Variants in NEB observed in about 807,000 individuals in gnomAD.
NEB encodes the protein nemaline myopathy type 2.
Under a neutral mutation model 952.2 loss-of-function variants are expected in NEB, and 512 were observed. The observed-to-expected ratio is 0.54, with a 90% CI of 0.50 to 0.58. The LOEUF is 0.58. NEB is among the 20% of genes least tolerant of loss of function. The pLI, the probability that NEB is intolerant of heterozygous loss-of-function variation, is 0.00. For synonymous variants in NEB, 2,900 were observed against 3,149.8 expected (o/e 0.92, Z 2.66); for missense variants, 8,428 against 9,231.1 (o/e 0.91, Z 3.56).
Position 151,724,916 on chromosome 2 carries a change from C to A in NEB, c.448G>T (p.Val150Leu), listed in dbSNP as rs376288418. 1.9e-6 allele frequency: 3 copies of A among 1,613,742 alleles called. No individual in the cohort carries two copies. The highest frequency in any genetic ancestry group is 2.5e-6 in the Non-Finnish European group (3 of 1,179,854). The change falls in exon 7 of 182, where the codon GTA (valine) becomes TTA (leucine). Residue 150 changes from valine to leucine, a missense_variant. Physicochemically the swap from Val to Leu is conservative, Grantham distance 32. Coordinates refer to ENST00000397345, the MANE Select transcript of NEB (RefSeq NM_001164508.2). ...TCAATATCCTTTGCTTTTTCATCTA[C>A]GTGACATATAGTCTTAGCAACATCA... ...DGDVAKTICHVDEKAKDIEHA... is the reference protein window; with the variant it reads ...DGDVAKTICHLDEKAKDIEHA...
Position 151,491,589 on chromosome 2 carries a change from G to A in NEB, c.25150+94C>T, listed in dbSNP as rs2056687818. 2.0e-5 allele frequency: 21 copies of A among 1,056,540 alleles called. No homozygotes were observed. The South Asian group carries it at 2.3e-4, about 12-fold the overall frequency. 65.4% of individuals were successfully genotyped at this position (1,056,540 alleles called of 1,614,324 possible). ...GGCAGCTCAGAAAATGGAAAACTCT[G>A]GAGGGAAGGAACTTCAGAGCCCAAA... is the stretch of plus-strand genomic sequence containing the variant. On this transcript the variant is annotated intron_variant, in intron 179 of 181. Coordinates refer to ENST00000397345, the MANE Select transcript of NEB (RefSeq NM_001164508.2).
At chr2:151,493,581 T>C in intron 175 of NEB, 136 bp from the exon 176 acceptor site, 1 of 742,148 alleles carries the variant, frequency 1.3e-6, no homozygotes, top group Non-Finnish European at 2.1e-6. Context: ...AATGTTACGG[T>C]AGGAAGCAAA....
Position 151,610,021 on chromosome 2 carries a change from T to C in NEB, c.12118A>G (p.Lys4040Glu), listed in dbSNP as rs759051377. The change falls in exon 81 of 182, where the codon AAA (lysine) becomes GAA (glutamate). Residue 4040 changes from lysine to glutamate, a missense_variant. Around this residue, in one of 11 missense-constraint regions of NEB, gnomAD observed 337 missense variants for 297.5 expected, o/e 1.13. Transcript: ENST00000397345. Reference sequence around the variant, plus strand: ...TTGTACTCCCTTTCACTTTGAATTTTTCCTGCATGTATGGCACACATAATC... The same window carrying C: ...TTGTACTCCCTTTCACTTTGAATTTCTCCTGCATGTATGGCACACATAATC... Reference protein sequence around the residue: ...PKIMCAIHAGKIQSEREYKKE... With the variant: ...PKIMCAIHAGEIQSEREYKKE... 6 of 1,613,956 alleles carry C rather than the reference T, an allele frequency of 3.7e-6. No homozygotes were observed. The highest frequency in any genetic ancestry group is 5.1e-6 in the Non-Finnish European group (6 of 1,179,850).
chr2:151,674,404 A>T, intron 36 of NEB, 73 bp downstream of exon 36: 1 of 1,104,598 alleles, frequency 9.1e-7, no homozygotes, highest in Non-Finnish European at 1.4e-6. Context: ...TCAATAAGGT[A>T]TCAATTTAAA....
chr2:151,562,577 G>A, intron 120 of NEB, 34 bp downstream of exon 120: 4 of 1,524,396 alleles, frequency 2.6e-6, no homozygotes, highest in Non-Finnish European at 3.5e-6. Context: ...CATGGAAGCT[G>A]TAGCTGAGTC....
In NEB at chr2:151,491,716, T is replaced by C. The variant is rs1416760785; in HGVS notation, c.25117A>G (p.Asn8373Asp). 7 of 1,598,292 alleles carry C rather than the reference T, an allele frequency of 4.4e-6. No individual in the cohort carries two copies. In the Admixed American group the frequency reaches 1.0e-4, roughly 24 times the overall value. Residue 8373 changes from asparagine (N) to aspartate (D), a missense_variant, in exon 179 of 182, where the codon AAC (asparagine) becomes GAC (aspartate). This residue lies in a region of NEB where 3,374 missense variants were observed against 3,651.5 expected (regional missense o/e 0.92). Transcript: ENST00000397345. The stretch of plus-strand genomic sequence containing the variant: ...ATGTGTAAGCTTCGGGACTGGATGT[T>C]GTCTTCTGCTGGATCATAGTCAAAA... ...SVFDYDPAED[N>D]IQSRSLHMIN...
At position 151,654,086 on chromosome 2, in the gene NEB, A is replaced by G; in HGVS notation, c.6821T>C (p.Leu2274Pro). The G allele has an allele frequency of 6.3e-7, 1 of 1,598,784 alleles. No individual in the cohort carries two copies. Among genetic ancestry groups the G allele is most frequent in the African/African-American group, 1.3e-5 (1 of 74,212 alleles). The change falls in exon 52 of 182, where the codon CTT (leucine) becomes CCT (proline). Residue 2274 changes from leucine (L) to proline (P), a missense_variant. By Grantham distance (98) the Leu-to-Pro change is moderately conservative. Coordinates refer to ENST00000397345, the MANE Select transcript of NEB (RefSeq NM_001164508.2). ...QTLYSQKLYK[L>P]GWEEALKKGY... ...TTTCTTCAAAGCTTCTTCCCATCCAAGTTTATAGAGTTTCTGAAAATTAAA... is the reference window on the plus strand; with the variant it reads ...TTTCTTCAAAGCTTCTTCCCATCCAGGTTTATAGAGTTTCTGAAAATTAAA...
chr2:151,691,363 G>C (rs74527227), intron 23 of NEB, among the ~76,000 whole-genome samples: 9,954 of 152,234 alleles, frequency 0.065, 613 homozygotes, highest in East Asian at 0.17. Flanking sequence ...TCCAGTCACT[G>C]TCTCACACAT....
intron 9 of NEB, among the ~76,000 whole-genome samples, chr2:151,720,138 T>TAA (rs568697998): frequency 3.4e-5 from 5 of 145,880 alleles, no homozygotes; most frequent in African/African-American, 1.2e-4. Context: ...TTTAAAAAAG[T>TAA]AAAAAAAAAA....
At chr2:151,514,483 T>C in intron 158 of NEB, 55 bp from the exon 159 acceptor site, 3 of 1,334,400 alleles carry the variant, frequency 2.2e-6, no homozygotes, top group South Asian at 2.4e-5. Context: ...ATTGATTCTC[T>C]CAGGCAAAGA....
chr2:151,615,058 C>T (rs1324728961), intron 76 of NEB, among the ~76,000 whole-genome samples: 1 of 152,140 alleles, frequency 6.6e-6, no homozygotes, highest in Non-Finnish European at 1.5e-5. Context: ...GTTTATGTGT[C>T]ACCAGGAAAT....
intron 135 of NEB, among the ~76,000 whole-genome samples, chr2:151,545,033 A>G (rs1396897768): frequency 6.6e-6 from 1 of 152,232 alleles, no homozygotes; most frequent in Middle Eastern, 3.2e-3. Context: ...ATGGGGTCCA[A>G]TCATCAAGGA....
chr2:151,644,086 A>G lies in NEB; in HGVS notation c.7688T>C (p.Ile2563Thr). 6.2e-7 allele frequency: 1 copy of G among 1,613,968 alleles called. No individual in the cohort carries two copies. Among genetic ancestry groups the G allele is most frequent in the South Asian group, 1.1e-5 (1 of 91,076 alleles). ...EGFRKQLGHH[I>T]GARNIEDDPK... ...GTCATCTTCAATGTTCCGGGCACCA[A>G]TGTGGTGGCCGAGCTGCTTGCGAAA... Residue 2563 changes from isoleucine to threonine, a missense_variant, in exon 57 of 182, where the codon ATT (isoleucine) becomes ACT (threonine). Ile to Thr is a moderately conservative substitution (Grantham distance 89, BLOSUM62 -1). Around this residue, in one of 11 missense-constraint regions of NEB, gnomAD observed 1,772 missense variants for 1,960.3 expected, o/e 0.90. Transcript: ENST00000397345.
rs115592041 is a variant in NEB at position 151,683,063 on chromosome 2, T to C, written c.2836-294A>G. On this transcript the variant is annotated intron_variant, in intron 28 of 181. Coordinates refer to ENST00000397345, the MANE Select transcript of NEB (RefSeq NM_001164508.2). Reference sequence around the variant, plus strand: ...CGAGTCAAAGCTGCACTTCAAAGAGTAAGTGAAATTGTCAGTTAACCAAAT... The same window carrying C: ...CGAGTCAAAGCTGCACTTCAAAGAGCAAGTGAAATTGTCAGTTAACCAAAT... Among the ~76,000 whole-genome samples the C allele has an allele frequency of 2.7e-3, 417 of 152,180 alleles. 2 individuals carry two copies. Among genetic ancestry groups the C allele is most frequent in the African/African-American group, 9.7e-3 (403 of 41,510 alleles).
chr2:151,552,731 G>T lies in NEB; in HGVS notation c.19777C>A (p.Leu6593Ile), dbSNP rs779381801. ...ACGTAGACTGGTGTATCTGTGACAAGCTTGTAGTCATTCCTTGTTTTCAAC... is the reference window on the plus strand; with the variant it reads ...ACGTAGACTGGTGTATCTGTGACAATCTTGTAGTCATTCCTTGTTTTCAAC... ...HMLKTRNDYK[L>I]VTDTPVYVQA... Residue 6593 changes from leucine (L) to isoleucine (I), a missense_variant, in exon 128 of 182, where the codon CTT becomes ATT. Physicochemically the swap from Leu to Ile is conservative, Grantham distance 5 (BLOSUM62 2). Coordinates refer to ENST00000397345, the MANE Select transcript of NEB (RefSeq NM_001164508.2). The T allele has an allele frequency of 6.2e-7, 1 of 1,613,370 alleles. No homozygotes were observed. Among genetic ancestry groups the T allele is most frequent in the East Asian group, 2.2e-5 (1 of 44,812 alleles).
chr2:151,574,450 A>G (rs995264792), intron 107 of NEB, among the ~76,000 whole-genome samples: 2 of 152,220 alleles, frequency 1.3e-5, no homozygotes, highest in African/African-American at 2.4e-5. Context: ...TTTATTTTTC[A>G]GTCATGTTGA....
At chr2:151,636,424 A>G in intron 63 of NEB, 90 bp from the exon 64 acceptor site, 2 of 985,188 alleles carry the variant, frequency 2.0e-6, no homozygotes, top group South Asian at 2.9e-5. Flanking sequence ...CTCCACAGAC[A>G]GTGCCTATAA....
At chr2:151,501,538 G>A in intron 167 of NEB, 55 bp from the exon 168 acceptor site, 1 of 1,014,080 alleles carries the variant, frequency 9.9e-7, no homozygotes, top group Non-Finnish European at 1.3e-6. Flanking sequence ...TTTTTAGGTA[G>A]ACTTAACCTA....
chr2:151,498,219 T>TGAA, intron 170 of NEB, 41 bp downstream of exon 170: 1 of 1,550,292 alleles, frequency 6.5e-7, no homozygotes, highest in East Asian at 2.4e-5. Flanking sequence ...AGTTTAATTC[T>TGAA]GAAGTTAAGT....
Sources: gnomAD v4.1 joint callset for allele counts (sites outside exome capture counted in the v4.1 genomes callset) on GRCh38, gnomAD v4.1.1 for gene constraint, gnomAD v4.1.1 regional missense constraint, MANE v1.5 for transcripts, NCBI Gene and HGNC (gene_info 2026-07-23, HGNC 2026-07-21) for gene names.